Variants in CHODL observed in about 807,000 individuals in gnomAD.
CHODL encodes the protein chondrolectin, also known as transmembrane protein MT75.
Under a neutral mutation model 34.5 loss-of-function variants are expected in CHODL, and 29 were observed. The ratio of observed to expected loss-of-function variants is 0.84; its 90% CI spans 0.63 to 1.15. CHODL has a LOEUF of 1.15. Ranked by LOEUF, CHODL falls within the 50% of genes most tolerant of loss-of-function variation. The probability of loss-of-function intolerance (pLI) is 0.00; values close to 1 mark genes in which losing one functional copy is unlikely to be tolerated. For missense variants in CHODL, 332 were observed against 332.5 expected (o/e 1.00, Z 0.01); for synonymous variants, 125 against 116.1 (o/e 1.08, Z -0.49).
At chr21:18,244,787 C>T (rs996151433), upstream of CHODL, 7 of 160,356 alleles carry the variant, frequency 4.4e-5, no homozygotes, top group African/African-American at 1.2e-4. Flanking sequence ...GGGGCCGGAA[C>T]CTCGGGACGT....
intron 2 of CHODL, among the ~76,000 whole-genome samples, chr21:18,157,881 T>C (rs2073052418): frequency 6.6e-6 from 1 of 152,052 alleles, no homozygotes; most frequent in Non-Finnish European, 1.5e-5. Flanking sequence ...TCTAACTTTC[T>C]GGGTTTACCA....
intron 2 of CHODL, among the ~76,000 whole-genome samples, chr21:18,204,546 A>G (rs1315760067): frequency 6.6e-6 from 1 of 152,114 alleles, no homozygotes; most frequent in Non-Finnish European, 1.5e-5. Flanking sequence ...GTTATCCGGG[A>G]AATAGGTAAA....
At chr21:18,184,902 C>A (rs1171369589) in intron 2 of CHODL, among the ~76,000 whole-genome samples, 4 of 152,076 alleles carry the variant, frequency 2.6e-5, no homozygotes, top group Admixed American at 2.0e-4. Context: ...ACTTTCAAAC[C>A]TTTTTTATCA....
At chr21:18,201,996 G>A (rs2073659775) in intron 2 of CHODL, among the ~76,000 whole-genome samples, 1 of 151,620 alleles carries the variant, frequency 6.6e-6, no homozygotes, top group African/African-American at 2.4e-5. Flanking sequence ...TAGTAGAGAC[G>A]GGGCTTCACC....
At chr21:18,061,556 AAT>A in intron 2 of CHODL, among the ~76,000 whole-genome samples, 1 of 45,640 alleles carries the variant, frequency 2.2e-5, no homozygotes, top group Non-Finnish European at 6.3e-5. Context: ...TCTCAAAGAC[AAT>A]CAAACTCAAA....
chr21:17,946,345 C>T (rs949761723), intron 1 of CHODL, among the ~76,000 whole-genome samples: 12 of 151,974 alleles, frequency 7.9e-5, no homozygotes, highest in African/African-American at 2.2e-4. Context: ...CGTGAACCCC[C>T]GGGGGCGGAG....
rs144020889 is a variant in CHODL, at chr21:18,066,635, G to C, written c.-45+38664G>C. Among the ~76,000 whole-genome samples, 1,450 of 152,214 alleles carry C rather than the reference G, an allele frequency of 9.5e-3. 38 individuals are homozygous for C. The highest frequency in any genetic ancestry group is 0.054 in the Admixed American group (832 of 15,286). ...ACATTTTCTGGAAAGTATAACTTAG[G>C]GGGGTGTTATGGCCTGAATTCTCTT... On this transcript the variant is annotated intron_variant, in intron 2 of 6. Coordinates refer to the CHODL transcript ENST00000400127.
chr21:18,048,061 T>C (rs1250734234), intron 2 of CHODL, among the ~76,000 whole-genome samples: 1 of 151,932 alleles, frequency 6.6e-6, no homozygotes, highest in Non-Finnish European at 1.5e-5. Flanking sequence ...GTCCTGTGCT[T>C]GTGAGAAGTA....
chr21:18,049,788 C>G (rs1026409678), intron 2 of CHODL, among the ~76,000 whole-genome samples: 4 of 152,004 alleles, frequency 2.6e-5, no homozygotes, highest in Admixed American at 6.6e-5. Flanking sequence ...ATAATCATCT[C>G]ATTAAAGACC....
intron 2 of CHODL, among the ~76,000 whole-genome samples, chr21:18,033,180 C>A (rs1315481804): frequency 6.6e-6 from 1 of 151,896 alleles, no homozygotes; most frequent in African/African-American, 2.4e-5. Context: ...GAAAATGCAA[C>A]ACAAAATATT....
Position 18,135,006 on chromosome 21 carries a change from T to C in CHODL, c.-45+107035T>C, listed in dbSNP as rs370498412. Among the ~76,000 whole-genome samples the C allele has an allele frequency of 6.6e-5, 10 of 152,362 alleles. No individual in the cohort carries two copies. In the East Asian group the frequency reaches 1.2e-3, roughly 18 times the overall value. On this transcript the variant is annotated intron_variant, in intron 2 of 6. Transcript: ENST00000400127. ...CTTTGATCTTGCTCATTGGGAATAG[T>C]AAATTTTACCACTGATATGACTATG... is the stretch of plus-strand genomic sequence containing the variant.
chr21:18,254,367 A>T (rs1351131832), intron 1 of CHODL, among the ~76,000 whole-genome samples: 2 of 151,806 alleles, frequency 1.3e-5, no homozygotes, highest in Non-Finnish European at 2.9e-5. Flanking sequence ...TTGACAGTCT[A>T]TTTTCCAGGT....
intron 1 of CHODL, among the ~76,000 whole-genome samples, chr21:17,958,385 T>C (rs2063508336): frequency 6.6e-6 from 1 of 152,152 alleles, no homozygotes; most frequent in South Asian, 2.1e-4. Context: ...GTCAGACCAT[T>C]GCCAAAAAAG....
At chr21:17,924,690 G>A (rs868049037) in intron 1 of CHODL, among the ~76,000 whole-genome samples, 1 of 152,228 alleles carries the variant, frequency 6.6e-6, no homozygotes, top group South Asian at 2.1e-4. Flanking sequence ...TCTCTAGACT[G>A]AAGGACTTTT....
intron 2 of CHODL, among the ~76,000 whole-genome samples, chr21:18,067,400 A>T (rs1396691719): frequency 2.0e-5 from 3 of 152,196 alleles, no homozygotes; most frequent in African/African-American, 7.2e-5. Flanking sequence ...TTGAATGTAG[A>T]CATGTACAAA....
At chr21:18,003,303 A>G (rs1195100463) in intron 1 of CHODL, among the ~76,000 whole-genome samples, 1 of 151,476 alleles carries the variant, frequency 6.6e-6, no homozygotes, top group Non-Finnish European at 1.5e-5. Flanking sequence ...TCTTAGTAAA[A>G]AACCTTTTCA....
intron 3 of CHODL, among the ~76,000 whole-genome samples, chr21:18,259,693 T>C (rs1343030386): frequency 6.6e-6 from 1 of 152,210 alleles, no homozygotes; most frequent in Non-Finnish European, 1.5e-5. Context: ...AGAACAGAAA[T>C]GTGGCTTAGA....
chr21:18,109,835 A>G (rs2065325315), intron 2 of CHODL, among the ~76,000 whole-genome samples: 1 of 152,188 alleles, frequency 6.6e-6, no homozygotes, highest in Admixed American at 6.5e-5. Context: ...GTACCTGGAA[A>G]GAGCTCAAAA....
chr21:18,242,830 A>G (rs1309968797), upstream of CHODL, among the ~76,000 whole-genome samples: 1 of 152,164 alleles, frequency 6.6e-6, no homozygotes, highest in Non-Finnish European at 1.5e-5. Context: ...CTGAATTACT[A>G]ATACCATGAA....
Sources: allele counts gnomAD v4.1 joint callset (sites outside exome capture counted in the v4.1 genomes callset), GRCh38; gene constraint gnomAD v4.1.1; transcripts MANE v1.5; gene names NCBI Gene and HGNC (gene_info 2026-07-23, HGNC 2026-07-21).